Variants in CELA3B observed in about 807,000 individuals in gnomAD.
The protein encoded by CELA3B is chymotrypsin like elastase 3B.
In CELA3B, 34 loss-of-function variants were observed where a neutral mutation model predicts 37.2. The observed-to-expected ratio is 0.91, with a 90% CI of 0.70 to 1.22. The LOEUF (loss-of-function observed/expected upper bound fraction) is 1.22, where lower values mean the gene tolerates loss of function less well. CELA3B is among the 50% of genes most tolerant of loss of function. The probability of loss-of-function intolerance (pLI) is 0.00; values close to 1 mark genes in which losing one functional copy is unlikely to be tolerated. For missense variants in CELA3B, 340 were observed against 363.1 expected, an observed-to-expected ratio of 0.94 and a Z score of 0.52; for synonymous variants, 127 against 143.5, an observed-to-expected ratio of 0.89 and a Z score of 0.82.
At chr1:21,993,417 G>C (rs1426325667), downstream of CELA3B, among the ~76,000 whole-genome samples, 1 of 136,536 alleles carries the variant, frequency 7.3e-6, no homozygotes, top group African/African-American at 2.9e-5. Flanking sequence ...AGCTGAGATC[G>C]CACCACTGCA....
intron 5 of CELA3B, 68 bp from the exon 6 acceptor site, chr1:21,984,121 C>G: frequency 1.3e-6 from 2 of 1,550,840 alleles, no homozygotes; most frequent in Non-Finnish European, 8.8e-7. Context: ...GCCTTGGATG[C>G]CCCCTTCCTC....
At chr1:21,980,400 A>C (rs1644797071) in intron 2 of CELA3B, among the ~76,000 whole-genome samples, 1 of 151,996 alleles carries the variant, frequency 6.6e-6, no homozygotes, top group Non-Finnish European at 1.5e-5. Flanking sequence ...AGTCGCTTGA[A>C]CCCGGGAGGC....
chr1:21,998,400 C>T (rs1201720558), exon 5 of CELA3B: 3 of 327,778 alleles, frequency 9.2e-6, no homozygotes, highest in Middle Eastern at 1.0e-3. Flanking sequence ...ATGGGGGCTC[C>T]GTTCTAGTGG....
chr1:21,985,421 G>C (rs2152816566), intron 6 of CELA3B, among the ~76,000 whole-genome samples: 1 of 152,100 alleles, frequency 6.6e-6, no homozygotes, highest in East Asian at 1.9e-4. Flanking sequence ...AAGAGTACAA[G>C]TGTGTGCCAC....
downstream of CELA3B, among the ~76,000 whole-genome samples, chr1:21,992,284 T>A (rs1644871969): frequency 6.6e-6 from 1 of 151,674 alleles, no homozygotes; most frequent in South Asian, 2.1e-4. Flanking sequence ...TCCCCGCTAC[T>A]CAGGAGGTGG....
At chr1:21,997,482 G>A (rs1644895836) in intron 4 of CELA3B, among the ~76,000 whole-genome samples, 1 of 150,790 alleles carries the variant, frequency 6.6e-6, no homozygotes, top group African/African-American at 2.5e-5. Flanking sequence ...GAGGTTAGGA[G>A]TTTGAGAACA....
intron 4 of CELA3B, among the ~76,000 whole-genome samples, chr1:21,982,262 A>T (rs1202506580): frequency 6.6e-6 from 1 of 152,092 alleles, no homozygotes; most frequent in East Asian, 1.9e-4. Flanking sequence ...AGTGGTTCTC[A>T]AAATGTGGTA....
downstream of CELA3B, among the ~76,000 whole-genome samples, chr1:21,993,343 T>C (rs181618611): frequency 2.0e-3 from 304 of 150,130 alleles, 1 homozygote; most frequent in African/African-American, 7.3e-3. Flanking sequence ...GTGCCTGTAA[T>C]CCCAGCTACT....
chr1:21,984,369 G>A (rs1356157679), intron 6 of CELA3B, 38 bp downstream of exon 6: 1 of 1,597,370 alleles, frequency 6.3e-7, no homozygotes, highest in South Asian at 1.1e-5. Flanking sequence ...GGTGCTGGGT[G>A]TGCAGGACCT....
chr1:21,978,512 A>T, intron 2 of CELA3B, 58 bp downstream of exon 2: 1 of 1,585,670 alleles, frequency 6.3e-7, no homozygotes, highest in Non-Finnish European at 8.7e-7. Flanking sequence ...CTAAGCTCTA[A>T]TGGCGCGGCA....
chr1:21,986,773 T>C (rs991313880), intron 7 of CELA3B, 90 bp downstream of exon 7: 6 of 1,426,118 alleles, frequency 4.2e-6, no homozygotes, highest in South Asian at 1.3e-5. Context: ...GGGGAGGGCC[T>C]GAAAGGATCC....
In CELA3B at chr1:21,981,041, C is replaced by G. The variant is rs776983947; in HGVS notation, c.231C>G (p.Ser77Arg). 6.2e-7 allele frequency: 1 copy of G among 1,614,138 alleles called. No homozygotes were observed. The highest frequency in any genetic ancestry group is 1.3e-5 in the African/African-American group (1 of 75,050). ...WVVTAGHCISSSRTYQVVLGE... is the reference protein window; with the variant it reads ...WVVTAGHCISRSRTYQVVLGE... ...CTGACCTCACCTCCGCCCGCAGGAG[C>G]TCCCGGACCTACCAGGTGGTGTTGG... The change falls in exon 4 of 8, where the codon AGC becomes AGG. Residue 77 changes from serine to arginine, a missense_variant. Physicochemically the swap from Ser to Arg is moderately radical, Grantham distance 110. Transcript: ENST00000337107.
At chr1:21,977,162 C>T in intron 1 of CELA3B, 80 bp downstream of exon 1, 1 of 1,592,370 alleles carries the variant, frequency 6.3e-7, no homozygotes, top group Non-Finnish European at 8.6e-7. Context: ...GCTCTAAGTC[C>T]CATGACACCC....
In CELA3B at chr1:21,984,336, G is replaced by C. The variant is rs772977681; in HGVS notation, c.642+5G>C. 2 of 1,612,132 alleles carry C rather than the reference G, an allele frequency of 1.2e-6. No individual in the cohort carries two copies. Reference sequence around the variant, plus strand: ...GACATCCGCTCCGGCTGCAATGTGAGTCAGCTCTTACCTGCCCGAGGTGGT... The same window carrying C: ...GACATCCGCTCCGGCTGCAATGTGACTCAGCTCTTACCTGCCCGAGGTGGT... On this transcript the variant is annotated splice_donor_5th_base_variant and intron_variant, in intron 6 of 7. Transcript: ENST00000337107.
chr1:21,994,391 T>G (rs1483785905), intron 4 of CELA3B, among the ~76,000 whole-genome samples: 5 of 151,002 alleles, frequency 3.3e-5, no homozygotes, highest in Non-Finnish European at 5.9e-5. Flanking sequence ...GCATCTCCTC[T>G]CTCTGTCCTA....
intron 5 of CELA3B, 76 bp downstream of exon 5, chr1:21,983,906 A>G: frequency 6.7e-7 from 1 of 1,497,072 alleles, no homozygotes; most frequent in Non-Finnish European, 9.1e-7. Context: ...GGTTGAAGGT[A>G]ACACCAAGAC....
At chr1:21,995,145 T>TC (rs1644885146) in intron 4 of CELA3B, among the ~76,000 whole-genome samples, 1 of 91,660 alleles carries the variant, frequency 1.1e-5, no homozygotes, top group African/African-American at 5.7e-5. Context: ...CTTTTCTTTC[T>TC]TTTTTTTTTT....
At chr1:21,995,257 G>A (rs777916513) in intron 4 of CELA3B, among the ~76,000 whole-genome samples, 3 of 148,846 alleles carry the variant, frequency 2.0e-5, no homozygotes, top group Non-Finnish European at 4.4e-5. Flanking sequence ...TGCAGCCTCA[G>A]CCTCCCAAGA....
At chr1:21,984,471 A>G (rs1644826444) in intron 6 of CELA3B, 140 bp downstream of exon 6, 1 of 1,184,844 alleles carries the variant, frequency 8.4e-7, no homozygotes, top group African/African-American at 1.5e-5. Context: ...GGAGGAAATC[A>G]GCGCAGTCCA....
Sources: gnomAD v4.1 joint callset for allele counts (sites outside exome capture counted in the v4.1 genomes callset) on GRCh38, gnomAD v4.1.1 for gene constraint, MANE v1.5 for transcripts, NCBI Gene and HGNC (gene_info 2026-07-23, HGNC 2026-07-21) for gene names.